AP2B1: variants seen among roughly 807,000 people sequenced by gnomAD.
The protein encoded by AP2B1 is adaptor related protein complex 2 subunit beta 1, also known as AP-2 complex subunit beta.
Under a neutral mutation model 102.0 loss-of-function variants are expected in AP2B1, and 23 were observed. The observed-to-expected ratio is 0.23, with a 90% confidence interval of 0.16 to 0.32. AP2B1 has a LOEUF of 0.32. Among genes scored for constraint, AP2B1 ranks in the 10% least tolerant of loss-of-function variants. The probability of loss-of-function intolerance (pLI) is 1.00; values close to 1 mark genes in which losing one functional copy is unlikely to be tolerated. For synonymous variants in AP2B1, 381 were observed against 421.2 expected (o/e 0.90, Z 1.17); for missense variants, 541 against 1,157.4 (o/e 0.47, Z 7.73).
chr17:35,666,491 G>C (rs1567940648), intron 14 of AP2B1, among the ~76,000 whole-genome samples: 1 of 152,114 alleles, frequency 6.6e-6, no homozygotes, highest in Non-Finnish European at 1.5e-5. Context: ...CTCAGTATTT[G>C]AAATATTCTT....
At chr17:35,694,798 G>T (rs1013886552) in intron 18 of AP2B1, among the ~76,000 whole-genome samples, 4 of 152,140 alleles carry the variant, frequency 2.6e-5, no homozygotes, top group Non-Finnish European at 5.9e-5. Flanking sequence ...CAGAAGAATC[G>T]CTTGAACCCA....
intron 18 of AP2B1, among the ~76,000 whole-genome samples, chr17:35,698,950 T>G (rs1337110436): frequency 6.6e-6 from 1 of 152,254 alleles, no homozygotes; most frequent in African/African-American, 2.4e-5. Context: ...CATACCACTT[T>G]ACAATCTTTA....
At chr17:35,588,200 G>A (rs1425327267) in intron 1 of AP2B1, among the ~76,000 whole-genome samples, 1 of 132,416 alleles carries the variant, frequency 7.6e-6, no homozygotes, top group Non-Finnish European at 1.6e-5. Flanking sequence ...ATTTGTTCAT[G>A]CTGCTTGTTT....
intron 11 of AP2B1, among the ~76,000 whole-genome samples, chr17:35,641,012 T>C (rs2074764152): frequency 6.6e-6 from 1 of 152,194 alleles, no homozygotes; most frequent in Admixed American, 6.5e-5. Context: ...GCATTTGTAC[T>C]CAAAGCAAAT....
rs545657971 is a variant in AP2B1, at chr17:35,660,234, G to A, written c.1989+2443G>A. 5.0e-5 allele frequency: 12 copies of A among 239,790 alleles called. No homozygotes were observed. In the East Asian group the frequency reaches 2.0e-3, roughly 40 times the overall value. The allele number at this position is 239,790 out of a possible 1,614,324, so 14.9% of individuals were successfully genotyped here. On this transcript the variant is annotated intron_variant, in intron 14 of 21. Transcript: ENST00000610402. Reference sequence around the variant, plus strand: ...GGGCTCAAGCAATCCCCCTGCCTTGGCCTCTGGAAGTGCTGGGATTACAGG... The same window carrying A: ...GGGCTCAAGCAATCCCCCTGCCTTGACCTCTGGAAGTGCTGGGATTACAGG...
chr17:35,723,617 C>G lies in AP2B1; in HGVS notation c.2782-8C>G. The G allele has an allele frequency of 6.3e-7, 1 of 1,599,126 alleles. No homozygotes were observed. Among genetic ancestry groups the G allele is most frequent in the Non-Finnish European group, 8.6e-7 (1 of 1,166,438 alleles). On this transcript the variant is annotated splice_polypyrimidine_tract_variant and splice_region_variant and intron_variant, in intron 21 of 21. Coordinates refer to ENST00000610402, the MANE Select transcript of AP2B1 (RefSeq NM_001030006.2). ...TGCTAATCTTCCATCTCCTTTTTCT[C>G]CTAACAGCTGTCACTGAAGTGTAGA...
In AP2B1 at chr17:35,724,282, C is replaced by CT. The variant is rs1555594376; in HGVS notation, c.*589dup. 3 of 152,302 alleles carry CT rather than the reference C, an allele frequency of 2.0e-5. No individual in the cohort carries two copies. The highest frequency in any genetic ancestry group is 4.4e-5 in the Non-Finnish European group (3 of 68,118). 9.4% of individuals were successfully genotyped at this position (152,302 alleles called of 1,614,324 possible). ...CCTGGTCATTTGGATTTTCAGTTTG[C>CT]TTTTTTCTTTTTTTCCCCTCCAAAC... On this transcript the variant is annotated 3_prime_UTR_variant, in exon 22 of 22. Transcript: ENST00000610402.
chr17:35,715,048 C>T (rs1221448570), intron 20 of AP2B1, among the ~76,000 whole-genome samples: 1 of 152,220 alleles, frequency 6.6e-6, no homozygotes, highest in Non-Finnish European at 1.5e-5. Flanking sequence ...AGCAGAATCT[C>T]ATCATTCTGC....
At chr17:35,691,808 A>G (rs1228952333) in intron 18 of AP2B1, among the ~76,000 whole-genome samples, 1 of 152,238 alleles carries the variant, frequency 6.6e-6, no homozygotes, top group African/African-American at 2.4e-5. Flanking sequence ...GCTGTCAAAA[A>G]ATAAAATAGA....
chr17:35,617,604 AG>A (rs1419803964), intron 5 of AP2B1, among the ~76,000 whole-genome samples: 1 of 152,186 alleles, frequency 6.6e-6, no homozygotes, highest in Non-Finnish European at 1.5e-5. Context: ...TAATTATTCA[AG>A]GGTGTACGTT....
chr17:35,604,138 C>G lies in AP2B1; in HGVS notation c.144-1567C>G, dbSNP rs183080796. 2.2e-3 allele frequency among the ~76,000 whole-genome samples: 342 copies of G among 152,154 alleles called. 1 individual carries two copies. The highest frequency in any genetic ancestry group is 4.1e-3 in the Non-Finnish European group (278 of 68,002). On this transcript the variant is annotated intron_variant, in intron 3 of 21. Coordinates refer to ENST00000610402, the MANE Select transcript of AP2B1 (RefSeq NM_001030006.2). Reference sequence around the variant, plus strand: ...TATTTTTATTTTTGAGATGGGGTCTCTCTCTGTTCCTCAGGCTGGTGTGCA... The same window carrying G: ...TATTTTTATTTTTGAGATGGGGTCTGTCTCTGTTCCTCAGGCTGGTGTGCA...
At chr17:35,602,166 G>A (rs1417203884) in intron 3 of AP2B1, among the ~76,000 whole-genome samples, 2 of 152,080 alleles carry the variant, frequency 1.3e-5, no homozygotes, top group African/African-American at 4.8e-5. Context: ...TCAAACAAAA[G>A]GCTAGTGGAT....
rs201710511 is a variant in AP2B1 at position 35,592,307 on chromosome 17, T to TA, written c.-23-1700dup. Among the ~76,000 whole-genome samples the TA allele has an allele frequency of 8.5e-3, 1,293 of 152,270 alleles. 11 individuals are homozygous for TA. Among genetic ancestry groups the TA allele is most frequent in the African/African-American group, 0.026 (1,069 of 41,554 alleles). On this transcript the variant is annotated intron_variant, in intron 1 of 21. Coordinates refer to ENST00000610402, the MANE Select transcript of AP2B1 (RefSeq NM_001030006.2). ...TTAGTGATGGTGATAAGGAAAAAGA[T>TA]ACTCATTTTGAGTACAGAAGGAATA... is the stretch of plus-strand genomic sequence containing the variant.
Position 35,592,391 on chromosome 17 carries a change from C to T in AP2B1, c.-23-1617C>T, listed in dbSNP as rs117723208. Among the ~76,000 whole-genome samples, 849 of 152,088 alleles carry T rather than the reference C, an allele frequency of 5.6e-3. 2 individuals carry two copies. The highest frequency in any genetic ancestry group is 0.024 in the Middle Eastern group (7 of 292). ...TTTCCCCTTGAGACAAGGTCTCTGT[C>T]GCTGAGGCTGGAGTGCAGTGGTGAG... is the stretch of plus-strand genomic sequence containing the variant. On this transcript the variant is annotated intron_variant, in intron 1 of 21. Coordinates refer to ENST00000610402, the MANE Select transcript of AP2B1 (RefSeq NM_001030006.2).
At chr17:35,685,319 G>A (rs974231223) in intron 18 of AP2B1, among the ~76,000 whole-genome samples, 2 of 152,218 alleles carry the variant, frequency 1.3e-5, no homozygotes, top group Non-Finnish European at 2.9e-5. Flanking sequence ...TTAGGGATGT[G>A]TAGGGTACTT....
At chr17:35,671,954 T>G in intron 16 of AP2B1, 54 bp downstream of exon 16, 2 of 1,577,280 alleles carry the variant, frequency 1.3e-6, no homozygotes, top group South Asian at 2.3e-5. Flanking sequence ...ACCCAAACTG[T>G]TTCACTTTCA....
At chr17:35,596,830 G>A (rs2073300974) in intron 2 of AP2B1, 4 of 663,744 alleles carry the variant, frequency 6.0e-6, no homozygotes, top group Non-Finnish European at 1.1e-5. Context: ...CCCCGCAGGC[G>A]CTGCCCCACA....
chr17:35,650,188 G>C (rs567023422), intron 12 of AP2B1, among the ~76,000 whole-genome samples: 2 of 152,052 alleles, frequency 1.3e-5, no homozygotes, highest in African/African-American at 4.8e-5. Context: ...GATCTCAAGC[G>C]ATCCGTCCAC....
intron 14 of AP2B1, among the ~76,000 whole-genome samples, chr17:35,664,880 G>A (rs2075430793): frequency 6.6e-6 from 1 of 152,152 alleles, no homozygotes; most frequent in African/African-American, 2.4e-5. Context: ...GACCTGTGGT[G>A]ACCATTCTAA....
Sources: gnomAD v4.1 joint callset for allele counts (sites outside exome capture counted in the v4.1 genomes callset) on GRCh38, gnomAD v4.1.1 for gene constraint, MANE v1.5 for transcripts, NCBI Gene and HGNC (gene_info 2026-07-23, HGNC 2026-07-21) for gene names.